The following ST6GALNAC3 variants were observed in gnomAD, a reference collection of about 807,000 sequenced individuals.
ST6GALNAC3 encodes ST6 N-acetylgalactosaminide alpha-2,6-sialyltransferase 3, also known as alpha-N-acetylgalactosaminide alpha-2,6-sialyltransferase 3.
In ST6GALNAC3, 25 loss-of-function variants were observed where a neutral mutation model predicts 32.7. The ratio of observed to expected loss-of-function variants is 0.76; its 90% CI spans 0.56 to 1.07. The LOEUF is 1.07. ST6GALNAC3 is among the 50% of genes least tolerant of loss of function. The pLI, the probability that ST6GALNAC3 is intolerant of heterozygous loss-of-function variation, is 0.00. For missense variants in ST6GALNAC3, 355 were observed against 382.4 expected (o/e 0.93, Z 0.60); for synonymous variants, 129 against 133.1 (o/e 0.97, Z 0.21).
chr1:76,499,545 C>T (rs1488825784), intron 3 of ST6GALNAC3, among the ~76,000 whole-genome samples: 1 of 152,100 alleles, frequency 6.6e-6, no homozygotes, highest in Non-Finnish European at 1.5e-5. Flanking sequence ...ACTCAGTTCT[C>T]CTTTGGTAGG....
chr1:76,253,594 C>T (rs1396793613), intron 1 of ST6GALNAC3, among the ~76,000 whole-genome samples: 1 of 152,100 alleles, frequency 6.6e-6, no homozygotes, highest in Non-Finnish European at 1.5e-5. Context: ...TCACGTAGAT[C>T]ATTCTTTTAC....
At chr1:76,357,729 T>C (rs1201328143) in intron 2 of ST6GALNAC3, among the ~76,000 whole-genome samples, 1 of 152,222 alleles carries the variant, frequency 6.6e-6, no homozygotes, top group Non-Finnish European at 1.5e-5. Context: ...CTTTGATCCT[T>C]TCCCCTTGGC....
intron 2 of ST6GALNAC3, among the ~76,000 whole-genome samples, chr1:76,359,637 G>C (rs959765548): frequency 3.9e-5 from 6 of 152,122 alleles, no homozygotes; most frequent in African/African-American, 1.4e-4. Flanking sequence ...AAGCCACTCA[G>C]TTTCTAATAC....
chr1:76,398,597 T>C (rs1653166856), intron 2 of ST6GALNAC3, among the ~76,000 whole-genome samples: 1 of 152,206 alleles, frequency 6.6e-6, no homozygotes, highest in Non-Finnish European at 1.5e-5. Context: ...TTGTTTTCAA[T>C]GCTGGATAGT....
intron 3 of ST6GALNAC3, among the ~76,000 whole-genome samples, chr1:76,528,130 A>G (rs773342795): frequency 9.2e-5 from 14 of 152,178 alleles, no homozygotes; most frequent in Non-Finnish European, 1.8e-4. Flanking sequence ...TCATTTTACA[A>G]TAGCCTCAAT....
chr1:76,486,055 G>A (rs1337859719), intron 3 of ST6GALNAC3, among the ~76,000 whole-genome samples: 4 of 152,170 alleles, frequency 2.6e-5, no homozygotes, highest in Non-Finnish European at 4.4e-5. Context: ...TCTTAATCCT[G>A]AGTTCTGGTT....
chr1:76,174,726 G>C (rs1470412216), intron 1 of ST6GALNAC3, among the ~76,000 whole-genome samples: 1 of 150,192 alleles, frequency 6.7e-6, no homozygotes, highest in Non-Finnish European at 1.5e-5. Context: ...GAGTGCAGTG[G>C]TGCAGTCTCA....
At chr1:76,151,521 G>C in intron 1 of ST6GALNAC3, among the ~76,000 whole-genome samples, 1 of 152,204 alleles carries the variant, frequency 6.6e-6, no homozygotes, top group Non-Finnish European at 1.5e-5. Context: ...CTTGGGAAGG[G>C]GAGTGGGGAA....
intron 1 of ST6GALNAC3, among the ~76,000 whole-genome samples, chr1:76,290,467 T>C (rs1470351463): frequency 6.6e-6 from 1 of 152,190 alleles, no homozygotes; most frequent in Non-Finnish European, 1.5e-5. Context: ...TTCTGGTAAA[T>C]ACTGATATTG....
chr1:76,170,506 T>C (rs1652421012), intron 1 of ST6GALNAC3, among the ~76,000 whole-genome samples: 1 of 152,156 alleles, frequency 6.6e-6, no homozygotes, highest in South Asian at 2.1e-4. Flanking sequence ...CAAAAATCTA[T>C]ATAAAGCTTT....
chr1:76,222,370 C>T (rs1194486371), intron 1 of ST6GALNAC3, among the ~76,000 whole-genome samples: 1 of 152,056 alleles, frequency 6.6e-6, no homozygotes, highest in Non-Finnish European at 1.5e-5. Flanking sequence ...ATGCCAAAAA[C>T]AATTGCAATA....
chr1:76,386,913 G>A (rs1378056546), intron 2 of ST6GALNAC3, among the ~76,000 whole-genome samples: 1 of 152,062 alleles, frequency 6.6e-6, no homozygotes, highest in Admixed American at 6.6e-5. Flanking sequence ...AGTTAAACAT[G>A]GAAGTTTTAT....
chr1:76,551,869 A>G (rs545473379), intron 3 of ST6GALNAC3, among the ~76,000 whole-genome samples: 194 of 152,156 alleles, frequency 1.3e-3, no homozygotes, highest in Non-Finnish European at 2.0e-3. Context: ...TCTGGTAACT[A>G]TCATTCCACT....
chr1:76,379,761 A>G (rs1483281146), intron 2 of ST6GALNAC3, among the ~76,000 whole-genome samples: 1 of 152,172 alleles, frequency 6.6e-6, no homozygotes, highest in East Asian at 1.9e-4. Flanking sequence ...GCGAAAATCA[A>G]TCTGTGCCAG....
At chr1:76,322,799 TCTGA>T (rs565290903) in intron 2 of ST6GALNAC3, among the ~76,000 whole-genome samples, 52 of 139,602 alleles carry the variant, frequency 3.7e-4, no homozygotes, top group Non-Finnish European at 7.1e-4. Flanking sequence ...AACCGAGTCA[TCTGA>T]CTAATAGGCA....
chr1:76,125,847 T>G (rs1649204288), intron 1 of ST6GALNAC3, among the ~76,000 whole-genome samples: 1 of 152,326 alleles, frequency 6.6e-6, no homozygotes. Flanking sequence ...GCCATTTATG[T>G]TCATGCTAAA....
Position 76,628,842 on chromosome 1 carries a change from T to G in ST6GALNAC3, c.*36T>G. 2 of 1,603,506 alleles carry G rather than the reference T, an allele frequency of 1.2e-6. No homozygotes were observed. Among genetic ancestry groups the G allele is most frequent in the Non-Finnish European group, 1.7e-6 (2 of 1,176,266 alleles). ...CCTGATCTTGCCGCATCACTTAATG[T>G]GATCCCCATACTGCAACTGTGATGC... is the stretch of plus-strand genomic sequence containing the variant. On this transcript the variant is annotated 3_prime_UTR_variant, in exon 5 of 5. Transcript: ENST00000328299.
intron 1 of ST6GALNAC3, among the ~76,000 whole-genome samples, chr1:76,106,281 T>G (rs1303000493): frequency 6.6e-6 from 1 of 152,260 alleles, no homozygotes; most frequent in Non-Finnish European, 1.5e-5. Flanking sequence ...TAACAGATCC[T>G]TGTCTTGCAG....
intron 3 of ST6GALNAC3, among the ~76,000 whole-genome samples, chr1:76,620,747 G>A (rs1409061559): frequency 2.6e-5 from 4 of 151,954 alleles, no homozygotes; most frequent in African/African-American, 4.8e-5. Flanking sequence ...TGGGGACTAC[G>A]GCCTCAACAT....
Sources: allele counts gnomAD v4.1 joint callset (sites outside exome capture counted in the v4.1 genomes callset), GRCh38; gene constraint gnomAD v4.1.1; transcripts MANE v1.5; gene names NCBI Gene and HGNC (gene_info 2026-07-23, HGNC 2026-07-21).